Variants in CSMD1 observed in about 807,000 individuals in gnomAD.
CSMD1 encodes the protein CUB and Sushi multiple domains 1.
Under a neutral mutation model 417.5 loss-of-function variants are expected in CSMD1, and 213 were observed. The ratio of observed to expected loss-of-function variants is 0.51; its 90% CI spans 0.46 to 0.57. The LOEUF (loss-of-function observed/expected upper bound fraction) is 0.57, where lower values mean the gene tolerates loss of function less well. CSMD1 is among the 20% of genes least tolerant of loss of function. The pLI is 0.00. For synonymous variants in CSMD1, 2,862 were observed against 1,736.8 expected (o/e 1.65, Z -16.11); for missense variants, 6,923 against 4,529.7 (o/e 1.53, Z -15.17).
intron 18 of CSMD1, among the ~76,000 whole-genome samples, chr8:3,383,141 TA>T (rs1810746499): frequency 6.6e-6 from 1 of 152,192 alleles, no homozygotes; most frequent in Non-Finnish European, 1.5e-5. Context: ...GTTATAAATT[TA>T]AAAGATAAAC....
At chr8:3,235,550 G>C (rs1369310538) in intron 26 of CSMD1, among the ~76,000 whole-genome samples, 1 of 152,156 alleles carries the variant, frequency 6.6e-6, no homozygotes, top group African/African-American at 2.4e-5. Context: ...TAAAGGCTCA[G>C]AGCTGTACCA....
intron 38 of CSMD1, among the ~76,000 whole-genome samples, chr8:3,159,339 C>G (rs1468931136): frequency 5.3e-5 from 8 of 152,092 alleles, no homozygotes; most frequent in Non-Finnish European, 1.0e-4. Flanking sequence ...CATTTATTTA[C>G]TAGTTTTTAC....
At position 4,083,974 on chromosome 8, in the gene CSMD1, A is replaced by G. The variant is rs140102740; in HGVS notation, c.416-51875T>C. Among the ~76,000 whole-genome samples, 305 of 152,324 alleles carry G rather than the reference A, an allele frequency of 2.0e-3. 1 individual carries two copies. Among genetic ancestry groups the G allele is most frequent in the African/African-American group, 6.9e-3 (287 of 41,588 alleles). The stretch of plus-strand genomic sequence containing the variant: ...CAAAGGGCTAATATCCAGAATCTAC[A>G]ATGAACTCAAACAAATTTACAAGAA... On this transcript the variant is annotated intron_variant, in intron 3 of 69. Transcript: ENST00000635120.
At chr8:4,673,962 T>G (rs573454832) in intron 1 of CSMD1, among the ~76,000 whole-genome samples, 3 of 152,270 alleles carry the variant, frequency 2.0e-5, no homozygotes, top group Admixed American at 2.0e-4. Context: ...ATTGCACACC[T>G]CTGTGAATAT....
intron 5 of CSMD1, among the ~76,000 whole-genome samples, chr8:3,995,150 A>G (rs1187487591): frequency 6.6e-6 from 1 of 152,214 alleles, no homozygotes; most frequent in Non-Finnish European, 1.5e-5. Context: ...AAGATAAATC[A>G]TATTATGCAT....
At chr8:4,269,440 T>C (rs1563364161) in intron 3 of CSMD1, among the ~76,000 whole-genome samples, 1 of 152,194 alleles carries the variant, frequency 6.6e-6, no homozygotes, top group Non-Finnish European at 1.5e-5. Flanking sequence ...ATTTTCTCTC[T>C]GAAGTTTAAT....
At chr8:2,977,060 A>G (rs985016119) in intron 55 of CSMD1, among the ~76,000 whole-genome samples, 8 of 152,082 alleles carry the variant, frequency 5.3e-5, no homozygotes, top group Non-Finnish European at 8.8e-5. Flanking sequence ...TTTAAAAAAA[A>G]AAAGAAAGAA....
chr8:4,714,912 C>G (rs1808551821), intron 1 of CSMD1, among the ~76,000 whole-genome samples: 1 of 152,074 alleles, frequency 6.6e-6, no homozygotes. Context: ...GACTATGATC[C>G]ATAGCAGACT....
At chr8:3,167,451 T>G (rs573530968) in intron 37 of CSMD1, among the ~76,000 whole-genome samples, 11 of 152,184 alleles carry the variant, frequency 7.2e-5, no homozygotes, top group Admixed American at 5.2e-4. Flanking sequence ...TCTTGTGCAA[T>G]CTACACATTT....
At chr8:4,795,187 A>T (rs1042092117) in intron 1 of CSMD1, among the ~76,000 whole-genome samples, 6 of 147,046 alleles carry the variant, frequency 4.1e-5, no homozygotes, top group Non-Finnish European at 9.0e-5. Flanking sequence ...AGGTGAAAAG[A>T]CGCTTAACCA....
chr8:4,270,905 G>C (rs1278089103), intron 3 of CSMD1, among the ~76,000 whole-genome samples: 3 of 152,056 alleles, frequency 2.0e-5, no homozygotes, highest in Non-Finnish European at 2.9e-5. Flanking sequence ...ACAACTCAAG[G>C]TGCTGATCGC....
At chr8:3,992,908 T>A (rs1195984639) in intron 5 of CSMD1, among the ~76,000 whole-genome samples, 1 of 152,240 alleles carries the variant, frequency 6.6e-6, no homozygotes, top group East Asian at 1.9e-4. Context: ...AAGCCATTTT[T>A]CTCACAAAAG....
intron 1 of CSMD1, among the ~76,000 whole-genome samples, chr8:4,963,981 A>C (rs563090400): frequency 5.3e-5 from 8 of 152,280 alleles, no homozygotes; most frequent in African/African-American, 1.9e-4. Flanking sequence ...TAGATTGTCA[A>C]ATCCTAAAAG....
chr8:4,334,933 G>T (rs984252530), intron 3 of CSMD1, among the ~76,000 whole-genome samples: 1 of 152,114 alleles, frequency 6.6e-6, no homozygotes, highest in African/African-American at 2.4e-5. Context: ...CACAGATGCT[G>T]TATTTTTGCT....
chr8:2,953,596 T>C, intron 65 of CSMD1, among the ~76,000 whole-genome samples: 1 of 152,326 alleles, frequency 6.6e-6, no homozygotes, highest in Non-Finnish European at 1.5e-5. Context: ...ATACATTTTG[T>C]TATTTAAAAA....
At chr8:3,543,216 A>T (rs1422673028) in intron 10 of CSMD1, among the ~76,000 whole-genome samples, 1 of 152,196 alleles carries the variant, frequency 6.6e-6, no homozygotes, top group Non-Finnish European at 1.5e-5. Context: ...CTTAGCAGCA[A>T]GGGAGGTGGG....
intron 5 of CSMD1, among the ~76,000 whole-genome samples, chr8:3,860,172 C>A (rs1163086035): frequency 6.6e-6 from 1 of 152,092 alleles, no homozygotes; most frequent in African/African-American, 2.4e-5. Flanking sequence ...ATAGAGCAGG[C>A]AGTAGAAAGT....
At chr8:4,001,434 T>A (rs570175188) in intron 4 of CSMD1, among the ~76,000 whole-genome samples, 141 of 152,196 alleles carry the variant, frequency 9.3e-4, no homozygotes, top group Non-Finnish European at 1.8e-3. Flanking sequence ...GGGCTCCGGG[T>A]AGTGGATATG....
chr8:4,091,745 T>G (rs79563094), intron 3 of CSMD1, among the ~76,000 whole-genome samples: 1 of 152,170 alleles, frequency 6.6e-6, no homozygotes, highest in Non-Finnish European at 1.5e-5. Flanking sequence ...TGTGTATAAA[T>G]GTATCCTGTA....
Sources: gnomAD v4.1 joint callset for allele counts (sites outside exome capture counted in the v4.1 genomes callset) on GRCh38, gnomAD v4.1.1 for gene constraint, MANE v1.5 for transcripts, NCBI Gene and HGNC (gene_info 2026-07-23, HGNC 2026-07-21) for gene names.